CRIM1: variants seen among roughly 807,000 people sequenced by gnomAD.
The protein encoded by CRIM1 is cysteine-rich motor neuron 1 protein.
In CRIM1, 32 loss-of-function variants were observed where a neutral mutation model predicts 116.4. The ratio of observed to expected loss-of-function variants is 0.27; its 90% CI spans 0.21 to 0.37. CRIM1 has a LOEUF of 0.37. Ranked by LOEUF, CRIM1 falls within the 10% of genes least tolerant of loss-of-function variation. The pLI, the probability that CRIM1 is intolerant of heterozygous loss-of-function variation, is 1.00. For missense variants in CRIM1, 1,331 were observed against 1,354.8 expected (o/e 0.98, Z 0.28); for synonymous variants, 590 against 509.2 (o/e 1.16, Z -2.13).
Position 36,392,804 on chromosome 2 carries a change from C to T in CRIM1, c.332-3810C>T, listed in dbSNP as rs1671715644. On this transcript the variant is annotated intron_variant, in intron 1 of 16. Coordinates refer to ENST00000280527, the MANE Select transcript of CRIM1 (RefSeq NM_016441.3). ...AGAAAAACAAAGTATTGATTAGGAGCGGGCAGAGAATTGAAAGAGTTTACT... is the reference window on the plus strand; with the variant it reads ...AGAAAAACAAAGTATTGATTAGGAGTGGGCAGAGAATTGAAAGAGTTTACT... 3.9e-5 allele frequency among the ~76,000 whole-genome samples: 6 copies of T among 151,914 alleles called. 1 individual carries two copies. Among genetic ancestry groups the T allele is most frequent in the South Asian group, 2.1e-4 (1 of 4,812 alleles).
intron 8 of CRIM1, among the ~76,000 whole-genome samples, chr2:36,500,807 C>T (rs1415305791): frequency 1.3e-5 from 2 of 152,196 alleles, no homozygotes; most frequent in African/African-American, 4.8e-5. Context: ...ATTTAGCTGA[C>T]AACATATATC....
chr2:36,533,575 C>G (rs1055300520), intron 13 of CRIM1, among the ~76,000 whole-genome samples: 3 of 152,166 alleles, frequency 2.0e-5, no homozygotes, highest in South Asian at 2.1e-4. Flanking sequence ...GCCTGGGCAA[C>G]AGAGTGAGAC....
At chr2:36,416,209 A>ATAATAAT (rs71396489) in intron 2 of CRIM1, among the ~76,000 whole-genome samples, 1 of 149,864 alleles carries the variant, frequency 6.7e-6, no homozygotes, top group Non-Finnish European at 1.5e-5. Context: ...TTTTGTCTCA[A>ATAATAAT]AATAATAATA....
intron 8 of CRIM1, among the ~76,000 whole-genome samples, chr2:36,504,321 A>G (rs958925211): frequency 3.9e-5 from 6 of 152,296 alleles, no homozygotes; most frequent in African/African-American, 1.4e-4. Context: ...AATAGTCCTT[A>G]CCCTTGACTC....
At chr2:36,495,643 T>C (rs1024174508) in intron 7 of CRIM1, among the ~76,000 whole-genome samples, 3 of 152,002 alleles carry the variant, frequency 2.0e-5, no homozygotes, top group Admixed American at 6.6e-5. Context: ...AAATATAATA[T>C]TGATTTGAAA....
intron 7 of CRIM1, among the ~76,000 whole-genome samples, chr2:36,488,438 A>G (rs72866827): frequency 0.028 from 4,290 of 152,258 alleles, 191 homozygotes; most frequent in African/African-American, 0.096. Flanking sequence ...AGATTGGGAA[A>G]TCTGTTGCCA....
chr2:36,455,934 A>G (rs931676666), intron 4 of CRIM1, among the ~76,000 whole-genome samples: 5 of 152,126 alleles, frequency 3.3e-5, no homozygotes, highest in African/African-American at 1.2e-4. Context: ...ACGGTCTTTC[A>G]CTTTGCACTG....
intron 4 of CRIM1, among the ~76,000 whole-genome samples, chr2:36,453,058 A>G (rs1287046269): frequency 2.6e-5 from 4 of 152,248 alleles, no homozygotes; most frequent in African/African-American, 9.6e-5. Flanking sequence ...TAAAAGCCCT[A>G]CCTGTAATGA....
intron 13 of CRIM1, among the ~76,000 whole-genome samples, chr2:36,524,647 T>C (rs1447875601): frequency 6.6e-6 from 1 of 152,190 alleles, no homozygotes; most frequent in East Asian, 1.9e-4. Flanking sequence ...TGTAAATTTA[T>C]TGTTGTTTTG....
At chr2:36,360,017 A>G (rs1669115763) in intron 1 of CRIM1, among the ~76,000 whole-genome samples, 1 of 152,244 alleles carries the variant, frequency 6.6e-6, no homozygotes, top group African/African-American at 2.4e-5. Context: ...AGAAATCTGG[A>G]TGGAAGACAT....
At chr2:36,446,405 T>G (rs1676245720) in intron 4 of CRIM1, among the ~76,000 whole-genome samples, 1 of 152,236 alleles carries the variant, frequency 6.6e-6, no homozygotes, top group Non-Finnish European at 1.5e-5. Flanking sequence ...TCTCCGGATG[T>G]TCTTACTGTG....
At chr2:36,515,002 C>T (rs917079813) in intron 11 of CRIM1, among the ~76,000 whole-genome samples, 3 of 152,136 alleles carry the variant, frequency 2.0e-5, no homozygotes, top group South Asian at 2.1e-4. Context: ...TCCTTTTTTC[C>T]GATATTTTGC....
At chr2:36,405,267 C>G (rs945823692) in intron 2 of CRIM1, among the ~76,000 whole-genome samples, 7 of 152,166 alleles carry the variant, frequency 4.6e-5, no homozygotes, top group African/African-American at 1.7e-4. Context: ...TTCATGCCGC[C>G]TTTGAAATAG....
intron 4 of CRIM1, among the ~76,000 whole-genome samples, chr2:36,446,751 C>T (rs1472580881): frequency 6.6e-6 from 1 of 151,414 alleles, no homozygotes; most frequent in African/African-American, 2.4e-5. Flanking sequence ...TTCTACCTTT[C>T]AGGAGAGGGT....
intron 5 of CRIM1, among the ~76,000 whole-genome samples, chr2:36,476,176 G>A (rs1481331919): frequency 6.6e-6 from 1 of 152,024 alleles, no homozygotes; most frequent in Non-Finnish European, 1.5e-5. Flanking sequence ...TGAGTCCTCA[G>A]CAGAACATAA....
intron 7 of CRIM1, among the ~76,000 whole-genome samples, chr2:36,480,824 T>G (rs1210463454): frequency 1.3e-5 from 2 of 152,192 alleles, no homozygotes; most frequent in African/African-American, 4.8e-5. Flanking sequence ...ATGACCAGTT[T>G]TGTGGAAGTC....
At chr2:36,454,877 G>C (rs1367001749) in intron 4 of CRIM1, among the ~76,000 whole-genome samples, 4 of 152,078 alleles carry the variant, frequency 2.6e-5, no homozygotes, top group Non-Finnish European at 5.9e-5. Context: ...GCCATCTCTG[G>C]GATTAAGTAA....
At chr2:36,406,794 T>G (rs1445607142) in intron 2 of CRIM1, among the ~76,000 whole-genome samples, 1 of 152,212 alleles carries the variant, frequency 6.6e-6, no homozygotes, top group African/African-American at 2.4e-5. Flanking sequence ...AACTTACTCA[T>G]CATAGATTCT....
At chr2:36,490,076 C>A (rs986909218) in intron 7 of CRIM1, among the ~76,000 whole-genome samples, 3 of 152,130 alleles carry the variant, frequency 2.0e-5, no homozygotes, top group South Asian at 4.2e-4. Flanking sequence ...AAAAATGATG[C>A]TTAAGTTACA....
Sources: gnomAD v4.1 joint callset for allele counts (sites outside exome capture counted in the v4.1 genomes callset) on GRCh38, gnomAD v4.1.1 for gene constraint, MANE v1.5 for transcripts, NCBI Gene and HGNC (gene_info 2026-07-23, HGNC 2026-07-21) for gene names.